SLC25A16: variants seen among roughly 807,000 people sequenced by gnomAD.
The protein encoded by SLC25A16 is mitochondrial coenzyme A transporter SLC25A16.
Under a neutral mutation model 41.5 loss-of-function variants are expected in SLC25A16, and 39 were observed. The ratio of observed to expected loss-of-function variants is 0.94; its 90% CI spans 0.73 to 1.23. The LOEUF is 1.23. Among genes scored for constraint, SLC25A16 ranks in the 50% most tolerant of loss-of-function variants. SLC25A16 has a pLI of 0.00. For synonymous variants in SLC25A16, 146 were observed against 147.8 expected (o/e 0.99, Z 0.09); for missense variants, 421 against 426.9 (o/e 0.99, Z 0.12).
chr10:68,493,096 C>T (rs1234988314), intron 6 of SLC25A16, 36 bp downstream of exon 6: 1 of 1,125,652 alleles, frequency 8.9e-7, no homozygotes, highest in Non-Finnish European at 1.3e-6. Context: ...AAATTTTAAA[C>T]ATGCATATTA....
At chr10:68,489,994 C>G (rs2052630138) in intron 6 of SLC25A16, among the ~76,000 whole-genome samples, 1 of 151,798 alleles carries the variant, frequency 6.6e-6, no homozygotes, top group African/African-American at 2.4e-5. Flanking sequence ...CATGTGGCAG[C>G]TCACACTTGT....
chr10:68,483,964 C>T (rs1440389383), intron 8 of SLC25A16, among the ~76,000 whole-genome samples: 1 of 152,070 alleles, frequency 6.6e-6, no homozygotes, highest in African/African-American at 2.4e-5. Context: ...TCGCTCGGCC[C>T]ATAATATTAA....
intron 4 of SLC25A16, among the ~76,000 whole-genome samples, chr10:68,497,270 T>C (rs2052764051): frequency 6.6e-6 from 1 of 152,142 alleles, no homozygotes; most frequent in African/African-American, 2.4e-5. Flanking sequence ...ATTCTAAATA[T>C]ATACTTTAGA....
chr10:68,503,574 T>G (rs1209135660), intron 4 of SLC25A16, 58 bp downstream of exon 4: 34 of 1,158,954 alleles, frequency 2.9e-5, no homozygotes, highest in Non-Finnish European at 4.3e-5. Flanking sequence ...TAAACCAAAT[T>G]AAATATTTTA....
chr10:68,522,859 C>A (rs2053271484), intron 1 of SLC25A16, among the ~76,000 whole-genome samples: 2 of 150,776 alleles, frequency 1.3e-5, no homozygotes, highest in South Asian at 4.2e-4. Flanking sequence ...GTGGTGGCAC[C>A]CACCGGTAGT....
chr10:68,506,791 T>TA (rs1407602728), intron 2 of SLC25A16, 73 bp from the exon 3 acceptor site: 2 of 846,492 alleles, frequency 2.4e-6, no homozygotes, highest in Admixed American at 6.6e-5. Flanking sequence ...CAATCACAGA[T>TA]AAAGATTAAT....
intron 8 of SLC25A16, among the ~76,000 whole-genome samples, chr10:68,484,328 T>C (rs1271109666): frequency 1.3e-5 from 2 of 152,142 alleles, no homozygotes; most frequent in Non-Finnish European, 2.9e-5. Flanking sequence ...ATGAACACTT[T>C]CCTGTTTCAG....
At chr10:68,487,324 TTCTG>T (rs1205961362) in intron 7 of SLC25A16, 112 bp from the exon 8 acceptor site, 23 of 771,466 alleles carry the variant, frequency 3.0e-5, no homozygotes, top group African/African-American at 2.8e-4. Context: ...GCTCTTATTG[TTCTG>T]TCTAACCTAG....
intron 1 of SLC25A16, among the ~76,000 whole-genome samples, chr10:68,525,862 GGTGCAAGAT>G (rs2053329261): frequency 6.6e-6 from 1 of 152,086 alleles, no homozygotes; most frequent in Non-Finnish European, 1.5e-5. Flanking sequence ...GATTAAGGGC[GGTGCAAGAT>G]GTGCTTTGTT....
intron 8 of SLC25A16, among the ~76,000 whole-genome samples, chr10:68,485,701 G>T (rs575256823): frequency 6.6e-6 from 1 of 151,580 alleles, no homozygotes; most frequent in South Asian, 2.1e-4. Flanking sequence ...TTTTTTCAGA[G>T]TCTCACTCTG....
chr10:68,485,127 G>A (rs190440353), intron 8 of SLC25A16, among the ~76,000 whole-genome samples: 4 of 151,894 alleles, frequency 2.6e-5, no homozygotes, highest in Admixed American at 6.6e-5. Flanking sequence ...ACGCAGCCTC[G>A]CTGCCAGGCT....
At chr10:68,526,913 A>T (rs1161263205) in intron 1 of SLC25A16, among the ~76,000 whole-genome samples, 2 of 152,148 alleles carry the variant, frequency 1.3e-5, no homozygotes, top group African/African-American at 4.8e-5. Flanking sequence ...TATAAAAGAA[A>T]GGAGTGCCCA....
chr10:68,520,075 C>T (rs999430829), intron 1 of SLC25A16, among the ~76,000 whole-genome samples: 2 of 150,538 alleles, frequency 1.3e-5, no homozygotes, highest in East Asian at 2.0e-4. Flanking sequence ...CCCAGCCTCC[C>T]GAGTAGGTGG....
intron 2 of SLC25A16, among the ~76,000 whole-genome samples, chr10:68,510,152 A>G (rs968775769): frequency 1.3e-5 from 2 of 152,166 alleles, no homozygotes; most frequent in Admixed American, 6.6e-5. Flanking sequence ...GTAATGTGAC[A>G]CTTTTTATAA....
chr10:68,506,493 T>C, intron 3 of SLC25A16, 92 bp downstream of exon 3: 3 of 845,470 alleles, frequency 3.5e-6, no homozygotes, highest in Non-Finnish European at 5.0e-6. Flanking sequence ...AATATGAAAC[T>C]TTTACATATT....
At chr10:68,493,627 C>T in intron 4 of SLC25A16, 57 bp from the exon 5 acceptor site, 1 of 1,327,020 alleles carries the variant, frequency 7.5e-7, no homozygotes, top group South Asian at 1.2e-5. Flanking sequence ...TACATATATT[C>T]CCCTATCATT....
At position 68,527,271 on chromosome 10, in the gene SLC25A16, G is replaced by A; in HGVS notation, c.105C>T (p.Tyr35=). 6.5e-7 allele frequency: 1 copy of A among 1,548,590 alleles called. No individual in the cohort carries two copies. The highest frequency in any genetic ancestry group is 1.2e-5 in the South Asian group (1 of 84,062). Residue 35 remains tyrosine (Y), a synonymous_variant, in exon 1 of 9, where the codon TAC becomes TAT. Coordinates refer to ENST00000609923, the MANE Select transcript of SLC25A16 (RefSeq NM_152707.4). ...AGGPTTRRDF[Y]WLRSFLAGGI... ...CTCCGGCCAGAAAGGAGCGCAGCCA[G>A]TAGAAGTCTCTGCGGGTTGTGGGCC...
At chr10:68,520,849 C>T (rs1045029356) in intron 1 of SLC25A16, among the ~76,000 whole-genome samples, 11 of 148,868 alleles carry the variant, frequency 7.4e-5, no homozygotes, top group African/African-American at 2.2e-4. Context: ...ATTAGCCAGG[C>T]GAAGGGCCAG....
chr10:68,514,116 C>A (rs1001284735), intron 2 of SLC25A16, among the ~76,000 whole-genome samples: 2 of 152,022 alleles, frequency 1.3e-5, no homozygotes, highest in African/African-American at 4.8e-5. Flanking sequence ...TGGCTTGAAC[C>A]CTGGAGGAGG....
Sources: gnomAD v4.1 joint callset for allele counts (sites outside exome capture counted in the v4.1 genomes callset) on GRCh38, gnomAD v4.1.1 for gene constraint, MANE v1.5 for transcripts, NCBI Gene and HGNC (gene_info 2026-07-23, HGNC 2026-07-21) for gene names.